SERINC1: variants seen among roughly 807,000 people sequenced by gnomAD.
SERINC1 encodes tumor differentially expressed protein 2.
Under a neutral mutation model 52.9 loss-of-function variants are expected in SERINC1, and 38 were observed. That is an observed-to-expected ratio of 0.72 (90% confidence interval 0.55 to 0.94). SERINC1 has a LOEUF of 0.94. Among genes scored for constraint, SERINC1 ranks in the 40% least tolerant of loss-of-function variants. The probability of loss-of-function intolerance (pLI) is 0.00; values close to 1 mark genes in which losing one functional copy is unlikely to be tolerated. For missense variants in SERINC1, 471 were observed against 533.9 expected (o/e 0.88, Z 1.16); for synonymous variants, 198 against 183.1 (o/e 1.08, Z -0.66).
At chr6:122,468,525 A>G (rs1033378741) in intron 1 of SERINC1, among the ~76,000 whole-genome samples, 7 of 152,208 alleles carry the variant, frequency 4.6e-5, no homozygotes, top group Non-Finnish European at 4.4e-5. Flanking sequence ...AAATGTTAAC[A>G]TTTAAGAATT....
At chr6:122,454,051 C>A in intron 4 of SERINC1, 100 bp downstream of exon 4, 1 of 1,123,818 alleles carries the variant, frequency 8.9e-7, no homozygotes, top group Non-Finnish European at 1.3e-6. Flanking sequence ...CACACACACA[C>A]CCCCAAACAA....
In SERINC1 at chr6:122,449,788, G is replaced by A. The variant is rs535729232; in HGVS notation, c.850+1876C>T. 2.0e-5 allele frequency among the ~76,000 whole-genome samples: 3 copies of A among 152,248 alleles called. No homozygotes were observed. The East Asian group carries it at 5.8e-4, about 29-fold the overall frequency. The stretch of plus-strand genomic sequence containing the variant: ...GTTCAGCACTTTGGGAGGCTGAGGC[G>A]GGTGGATCACCTGAGGTCAGGAGTT... On this transcript the variant is annotated intron_variant, in intron 7 of 9. Transcript: ENST00000339697.
intron 7 of SERINC1, 92 bp downstream of exon 7, chr6:122,451,572 A>AT: frequency 2.1e-6 from 1 of 481,466 alleles, no homozygotes; most frequent in East Asian, 5.2e-5. Flanking sequence ...TAGAAGCCTA[A>AT]TTTTTAAGTA....
In SERINC1 at chr6:122,444,474, G is replaced by A. The variant is rs1299813977; in HGVS notation, c.*570C>T. The A allele has an allele frequency of 2.0e-5, 3 of 152,130 alleles. No individual in the cohort carries two copies. Among genetic ancestry groups the A allele is most frequent in the Admixed American group, 1.3e-4 (2 of 15,276 alleles). The allele number at this position is 152,130 out of a possible 1,614,324, so 9.4% of individuals were successfully genotyped here. On this transcript the variant is annotated 3_prime_UTR_variant, in exon 10 of 10. Transcript: ENST00000339697. ...TCTACCCAAGTAAGATTATTTACTCGTTATTCAATTTAGTACCGACACCTC... is the reference window on the plus strand; with the variant it reads ...TCTACCCAAGTAAGATTATTTACTCATTATTCAATTTAGTACCGACACCTC...
At chr6:122,465,737 C>T (rs953652693) in intron 1 of SERINC1, among the ~76,000 whole-genome samples, 1 of 151,856 alleles carries the variant, frequency 6.6e-6, no homozygotes, top group Non-Finnish European at 1.5e-5. Context: ...ACACTAAGAT[C>T]AATGAAAGTG....
intron 9 of SERINC1, among the ~76,000 whole-genome samples, chr6:122,446,525 AAGTATT>A (rs1383201809): frequency 6.6e-6 from 1 of 152,206 alleles, no homozygotes; most frequent in Admixed American, 6.5e-5. Flanking sequence ...TTTTTGTAAA[AAGTATT>A]AGTTTCATGA....
intron 3 of SERINC1, among the ~76,000 whole-genome samples, chr6:122,455,905 C>T (rs558886337): frequency 6.6e-6 from 1 of 152,074 alleles, no homozygotes; most frequent in East Asian, 1.9e-4. Context: ...ACCAAAGGAA[C>T]AAAATAAAGG....
At chr6:122,470,490 T>C (rs1010354921) in intron 1 of SERINC1, among the ~76,000 whole-genome samples, 11 of 152,216 alleles carry the variant, frequency 7.2e-5, no homozygotes, top group Admixed American at 2.0e-4. Flanking sequence ...TGATAATCAA[T>C]TATCAGTTTT....
chr6:122,447,192 C>T lies in SERINC1; in HGVS notation c.924G>A (p.Gln308=), dbSNP rs762720802. ...CTTGAGCATGCCACCACTGGACTGA[C>T]TGCCCTTCCTTTGGGACAGTGCTTG... ...NTTSTVPKEG[Q]SVQWWHAQGI... is the part of the protein sequence containing the mutation. The change falls in exon 8 of 10, where the codon CAG becomes CAA. Residue 308 remains glutamine (Q), a synonymous_variant. Transcript: ENST00000339697. 1.2e-6 allele frequency: 2 copies of T among 1,612,540 alleles called. No homozygotes were observed. The highest frequency in any genetic ancestry group is 1.1e-5 in the South Asian group (1 of 91,058).
chr6:122,452,548 G>GT (rs1418098557), intron 5 of SERINC1, among the ~76,000 whole-genome samples: 1 of 152,094 alleles, frequency 6.6e-6, no homozygotes, highest in Non-Finnish European at 1.5e-5. Flanking sequence ...TTATGCAAGG[G>GT]TAAGTCATTA....
Position 122,453,822 on chromosome 6 carries a change from A to G in SERINC1, c.537T>C (p.Asn179=). ...CTTCCATTTTTTCAACCCACGATTC[A>G]TTCCATGAATGTGCAAAATCAATAA... ...VLLIDFAHSW[N]ESWVEKMEEG... The change falls in exon 5 of 10, where the codon AAT becomes AAC. Residue 179 remains asparagine (N), a synonymous_variant. Transcript: ENST00000339697. 1 of 1,609,782 alleles carries G rather than the reference A, an allele frequency of 6.2e-7. No individual in the cohort carries two copies. Among genetic ancestry groups the G allele is most frequent in the Non-Finnish European group, 8.5e-7 (1 of 1,177,018 alleles).
Position 122,463,298 on chromosome 6 carries a change from A to C in SERINC1, c.40-4617T>G, listed in dbSNP as rs180784109. ...AAGCCATAATCAAACCATATATGAG[A>C]ATTAAGATTTCCTAGATACCATATA... On this transcript the variant is annotated intron_variant, in intron 1 of 9. Transcript: ENST00000339697. 7.9e-5 allele frequency among the ~76,000 whole-genome samples: 12 copies of C among 152,312 alleles called. No homozygotes were observed. In the East Asian group the frequency reaches 1.5e-3, roughly 20 times the overall value.
chr6:122,467,717 C>A (rs1348652319), intron 1 of SERINC1, among the ~76,000 whole-genome samples: 3 of 152,200 alleles, frequency 2.0e-5, no homozygotes, highest in Non-Finnish European at 4.4e-5. Context: ...AAATAAAGAA[C>A]TAACATGTAA....
intron 3 of SERINC1, among the ~76,000 whole-genome samples, chr6:122,455,606 T>C (rs1033778241): frequency 6.6e-6 from 1 of 152,146 alleles, no homozygotes; most frequent in Non-Finnish European, 1.5e-5. Flanking sequence ...CCCCTTTATA[T>C]ATATCTATCT....
In SERINC1 at chr6:122,443,847, T is replaced by G. The variant is rs1774710214; in HGVS notation, c.*1197A>C. 1 of 152,204 alleles carries G rather than the reference T, an allele frequency of 6.6e-6. No homozygotes were observed. Among genetic ancestry groups the G allele is most frequent in the Non-Finnish European group, 1.5e-5 (1 of 68,028 alleles). The allele number at this position is 152,204 out of a possible 1,614,324, so 9.4% of individuals were successfully genotyped here. A position where few individuals can be genotyped will look rare whatever the true frequency, so the allele number is the denominator to read the frequency against. ...TGCTATTATTGGCCAACTTGAAATT[T>G]CCTAATTAGCTATCTGAGCTATTTA... On this transcript the variant is annotated 3_prime_UTR_variant, in exon 10 of 10. Transcript: ENST00000339697.
At chr6:122,463,211 T>C (rs1775135577) in intron 1 of SERINC1, among the ~76,000 whole-genome samples, 1 of 152,222 alleles carries the variant, frequency 6.6e-6, no homozygotes, top group Admixed American at 6.5e-5. Context: ...GAAAGGATAA[T>C]CTTTTTAACA....
intron 3 of SERINC1, among the ~76,000 whole-genome samples, chr6:122,455,957 C>T (rs961572560): frequency 2.6e-5 from 4 of 152,110 alleles, no homozygotes; most frequent in African/African-American, 7.2e-5. Context: ...TATTTATATT[C>T]TACTTGTTTA....
chr6:122,451,674 G>T lies in SERINC1; in HGVS notation c.840C>A (p.Thr280=). The stretch of plus-strand genomic sequence containing the variant: ...ATAAATAAAACACACCTGGTTCATT[G>T]GTCATAGCTGACCATGTCAAATACA... ...YTMYLTWSAM[T]NEPETNCNPS... The change falls in exon 7 of 10, where the codon ACC becomes ACA. Residue 280 remains threonine, a synonymous_variant. Coordinates refer to ENST00000339697, the MANE Select transcript of SERINC1 (RefSeq NM_020755.4). The T allele has an allele frequency of 1.7e-6, 2 of 1,196,674 alleles. No individual in the cohort carries two copies. The highest frequency in any genetic ancestry group is 1.2e-6 in the Non-Finnish European group (1 of 858,846). The allele number at this position is 1,196,674 out of a possible 1,614,324, so 74.1% of individuals were successfully genotyped here.
Position 122,468,056 on chromosome 6 carries a change from G to C in SERINC1, c.39+3643C>G, listed in dbSNP as rs1206914545. The stretch of plus-strand genomic sequence containing the variant: ...GTATACTATTTTTCTTAAGCGCATA[G>C]AGAAGTATGTACATACAGAATTATG... On this transcript the variant is annotated intron_variant, in intron 1 of 9. Transcript: ENST00000339697. Among the ~76,000 whole-genome samples the C allele has an allele frequency of 2.6e-5, 4 of 152,122 alleles. No homozygotes were observed. In the East Asian group the frequency reaches 7.7e-4, roughly 29 times the overall value.
Sources: gnomAD v4.1 joint callset for allele counts (sites outside exome capture counted in the v4.1 genomes callset) on GRCh38, gnomAD v4.1.1 for gene constraint, MANE v1.5 for transcripts, NCBI Gene and HGNC (gene_info 2026-07-23, HGNC 2026-07-21) for gene names.